The following GALNT16 variants were observed in gnomAD, a reference collection of about 807,000 sequenced individuals.
GALNT16 encodes polypeptide N-acetylgalactosaminyltransferase 16.
Under a neutral mutation model 76.1 loss-of-function variants are expected in GALNT16, and 40 were observed. The observed-to-expected ratio is 0.53, with a 90% confidence interval of 0.41 to 0.68. GALNT16 has a LOEUF of 0.68. Among genes scored for constraint, GALNT16 ranks in the 30% least tolerant of loss-of-function variants. The pLI is 0.00. For synonymous variants in GALNT16, 276 were observed against 285.2 expected, an observed-to-expected ratio of 0.97 and a Z score of 0.32; for missense variants, 621 against 731.9, an observed-to-expected ratio of 0.85 and a Z score of 1.75.
chr14:69,368,149 C>T, the GALNT16 span, among the ~76,000 whole-genome samples: 10 of 152,294 alleles, frequency 6.6e-5, no homozygotes, highest in African/African-American at 2.4e-4. Context: ...CCAAAACCTC[C>T]TGCCTCCTTT....
In GALNT16 at chr14:69,298,417, C is replaced by A. The variant is rs543669756; in HGVS notation, c.178-22294C>A. On this transcript the variant is annotated intron_variant, in intron 1 of 14. Coordinates refer to ENST00000448469, the MANE Select transcript of GALNT16 (RefSeq NM_001168368.2). Reference sequence around the variant, plus strand: ...TATATCACAAGAAGGTGTGGGAACCCCTCTGGCGGGAGTCATCTCATAGCT... The same window carrying A: ...TATATCACAAGAAGGTGTGGGAACCACTCTGGCGGGAGTCATCTCATAGCT... 100 of 152,444 alleles carry A rather than the reference C, an allele frequency of 6.6e-4. 2 individuals are homozygous for A. The highest frequency in any genetic ancestry group is 2.4e-3 in the African/African-American group (98 of 41,576). 9.4% of individuals were successfully genotyped at this position (152,444 alleles called of 1,614,324 possible).
At chr14:69,369,844 A>C in the GALNT16 span, among the ~76,000 whole-genome samples, 1 of 152,180 alleles carries the variant, frequency 6.6e-6, no homozygotes, top group Non-Finnish European at 1.5e-5. Flanking sequence ...AGGACAGCTT[A>C]CTTCCCAACC....
At chr14:69,285,611 A>G (rs2044600931) in intron 1 of GALNT16, among the ~76,000 whole-genome samples, 1 of 152,196 alleles carries the variant, frequency 6.6e-6, no homozygotes. Context: ...ACAATGTACC[A>G]TCGTCTACAT....
chr14:69,347,855 CT>C (rs1258167973), intron 13 of GALNT16, 21 bp from the exon 14 acceptor site: 1 of 1,611,094 alleles, frequency 6.2e-7, no homozygotes, highest in South Asian at 1.1e-5. Context: ...TTGACTTGGC[CT>C]TTCTGCTCCC....
chr14:69,376,896 A>C, the GALNT16 span, among the ~76,000 whole-genome samples: 2 of 152,162 alleles, frequency 1.3e-5, no homozygotes, highest in Non-Finnish European at 2.9e-5. Flanking sequence ...TATGTCCATG[A>C]AGCTATTACA....
chr14:69,262,936 G>A (rs1439474685), intron 1 of GALNT16, among the ~76,000 whole-genome samples: 1 of 151,044 alleles, frequency 6.6e-6, no homozygotes, highest in Non-Finnish European at 1.5e-5. Flanking sequence ...CTGGAGTGAG[G>A]TGGCATGATC....
In GALNT16 at chr14:69,352,109, A is replaced by G. The variant is rs760609081; in HGVS notation, c.1618A>G (p.Thr540Ala). The G allele has an allele frequency of 1.2e-6, 2 of 1,614,032 alleles. No individual in the cohort carries two copies. The highest frequency in any genetic ancestry group is 8.5e-7 in the Non-Finnish European group (1 of 1,179,900). ...GGAGACAAAGCCTGCCCAGCTGGTGACCAGCAAGTGTCAGGCTGACGCCCA... is the reference window on the plus strand; with the variant it reads ...GGAGACAAAGCCTGCCCAGCTGGTGGCCAGCAAGTGTCAGGCTGACGCCCA... The part of the protein sequence containing the change: ...CLETKPAQLV[T>A]SKCQADAQAQ... Residue 540 changes from threonine to alanine, a missense_variant, in exon 15 of 15, where the codon ACC becomes GCC. Physicochemically the swap from Thr to Ala is moderately conservative, Grantham distance 58. Transcript: ENST00000448469.
the GALNT16 span, among the ~76,000 whole-genome samples, chr14:69,378,704 A>G: frequency 1.3e-5 from 2 of 152,254 alleles, no homozygotes; most frequent in Admixed American, 6.5e-5. Context: ...TTCCTTTCTC[A>G]TATTTTCCTC....
chr14:69,344,185 C>T (rs1057310131), intron 12 of GALNT16, among the ~76,000 whole-genome samples: 8 of 152,204 alleles, frequency 5.3e-5, no homozygotes, highest in East Asian at 1.9e-4. Context: ...CTAGGCCTGC[C>T]GTGGCTCTGC....
In GALNT16 at chr14:69,322,923, GGGGTGTGTGTGTGT is replaced by G. The variant is rs1439486333; in HGVS notation, c.336-1767_336-1754del. 1.2e-3 allele frequency among the ~76,000 whole-genome samples: 125 copies of G among 105,152 alleles called. 4 individuals are homozygous for G. The highest frequency in any genetic ancestry group is 6.8e-3 in the South Asian group (16 of 2,358). 69.0% of individuals were successfully genotyped at this position (105,152 alleles called of 152,430 possible). On this transcript the variant is annotated intron_variant, in intron 2 of 14. Transcript: ENST00000448469. ...AAAAAAGAAAGCTGAGGTGGCTCAC[GGGGTGTGTGTGTGT>G]GTGTGTGTGTGTGTGTGTGTGTGTG...
At chr14:69,341,855 T>G (rs1295837045) in intron 12 of GALNT16, 91 bp downstream of exon 12, 1 of 767,904 alleles carries the variant, frequency 1.3e-6, no homozygotes, top group Middle Eastern at 2.3e-4. Flanking sequence ...TTAGATCTCC[T>G]CAACACTGGT....
At chr14:69,350,428 A>C (rs2045620240) in intron 14 of GALNT16, 1 of 152,304 alleles carries the variant, frequency 6.6e-6, no homozygotes, top group Non-Finnish European at 1.5e-5. Flanking sequence ...TACTCTCTCC[A>C]GCTGGGCATT....
chr14:69,378,375 G>A, the GALNT16 span, among the ~76,000 whole-genome samples: 1 of 152,192 alleles, frequency 6.6e-6, no homozygotes, highest in Non-Finnish European at 1.5e-5. Flanking sequence ...TTATGTAGCA[G>A]TATAAAATAT....
intron 1 of GALNT16, among the ~76,000 whole-genome samples, chr14:69,295,292 A>G (rs1179423973): frequency 6.6e-6 from 1 of 151,310 alleles, no homozygotes; most frequent in African/African-American, 2.4e-5. Flanking sequence ...GCGCATGCCT[A>G]TAGTACCAGC....
intron 14 of GALNT16, chr14:69,349,638 C>T (rs999366467): frequency 4.6e-5 from 7 of 152,250 alleles, no homozygotes; most frequent in African/African-American, 1.7e-4. Context: ...AGTCAGCAGG[C>T]CCCAGCTCAG....
intron 1 of GALNT16, among the ~76,000 whole-genome samples, chr14:69,311,938 C>T (rs557968371): frequency 6.6e-6 from 1 of 151,530 alleles, no homozygotes; most frequent in South Asian, 2.1e-4. Flanking sequence ...GGTGGTGGCT[C>T]ACACCTATAA....
At chr14:69,373,459 A>G in the GALNT16 span, among the ~76,000 whole-genome samples, 1 of 152,250 alleles carries the variant, frequency 6.6e-6, no homozygotes, top group Non-Finnish European at 1.5e-5. Context: ...TACCTCTGGC[A>G]CAGAAAAGGC....
the GALNT16 span, among the ~76,000 whole-genome samples, chr14:69,372,347 G>C: frequency 6.6e-6 from 1 of 152,114 alleles, no homozygotes; most frequent in African/African-American, 2.4e-5. Flanking sequence ...GGGGTCTGTT[G>C]ACATAGAATC....
the GALNT16 span, among the ~76,000 whole-genome samples, chr14:69,369,816 C>G: frequency 6.6e-6 from 1 of 152,184 alleles, no homozygotes; most frequent in South Asian, 2.1e-4. Flanking sequence ...CCTGAAGGAG[C>G]TCTCTAAGGT....
Sources: gnomAD v4.1 joint callset for allele counts (sites outside exome capture counted in the v4.1 genomes callset) on GRCh38, gnomAD v4.1.1 for gene constraint, MANE v1.5 for transcripts, NCBI Gene and HGNC (gene_info 2026-07-23, HGNC 2026-07-21) for gene names.